The following IL13RA1 variants were observed in gnomAD, a reference collection of about 807,000 sequenced individuals.
IL13RA1 encodes the protein interleukin-13 receptor subunit alpha-1.
Under a neutral mutation model 33.8 loss-of-function variants are expected in IL13RA1, and 14 were observed. The ratio of observed to expected loss-of-function variants is 0.41; its 90% CI spans 0.27 to 0.65. The LOEUF (loss-of-function observed/expected upper bound fraction) is 0.65. Ranked by LOEUF, IL13RA1 falls within the 30% of genes least tolerant of loss-of-function variation. The pLI is 0.28. For synonymous variants in IL13RA1, 116 were observed against 115.7 expected (o/e 1.00, Z -0.02); for missense variants, 313 against 327.0 (o/e 0.96, Z 0.33).
chrX:118,790,586 T>G (rs1052135515), intron 10 of IL13RA1, among the ~76,000 whole-genome samples: 12 of 112,150 alleles, frequency 1.1e-4, no homozygotes, highest in Admixed American at 1.0e-3. Flanking sequence ...GATTGCACTA[T>G]CTTATTTTTA....
chrX:118,756,001 A>G, intron 4 of IL13RA1, among the ~76,000 whole-genome samples: 1 of 110,422 alleles, frequency 9.1e-6, no homozygotes, highest in Non-Finnish European at 1.9e-5. Context: ...TAAATACATT[A>G]GCTCTGAGTT....
chrX:118,784,439 T>C (rs373306389), intron 10 of IL13RA1, among the ~76,000 whole-genome samples: 82 of 110,652 alleles, frequency 7.4e-4, no homozygotes, highest in African/African-American at 2.7e-3. Context: ...CAAATGAGAA[T>C]TAAAAGAATT....
chrX:118,738,781 C>CTTTTTTTTTT (rs144796443), intron 1 of IL13RA1, among the ~76,000 whole-genome samples: 1 of 60,229 alleles, frequency 1.7e-5, no homozygotes, highest in Non-Finnish European at 2.9e-5. Flanking sequence ...ATTTTAAGTC[C>CTTTTTTTTTT]TTTTTTTTTT....
At chrX:118,743,301 C>T (rs1238279054) in intron 2 of IL13RA1, among the ~76,000 whole-genome samples, 2 of 111,773 alleles carry the variant, frequency 1.8e-5, no homozygotes, top group Non-Finnish European at 3.8e-5. Flanking sequence ...ATAGTTTGTA[C>T]ATTAGGGGGC....
chrX:118,795,622 C>A (rs1280706435), downstream of IL13RA1, among the ~76,000 whole-genome samples: 4 of 111,788 alleles, frequency 3.6e-5, no homozygotes, highest in African/African-American at 1.3e-4. Context: ...ATTGAGAACC[C>A]CCTTGAGGTC....
At chrX:118,732,310 G>C (rs2017230455) in intron 1 of IL13RA1, among the ~76,000 whole-genome samples, 1 of 110,270 alleles carries the variant, frequency 9.1e-6, no homozygotes, top group African/African-American at 3.3e-5. Context: ...TATACTATTT[G>C]TCTTTTTTGT....
chrX:118,760,762 A>G (rs1376358363), intron 5 of IL13RA1, among the ~76,000 whole-genome samples: 1 of 111,983 alleles, frequency 8.9e-6, no homozygotes, highest in African/African-American at 3.2e-5. Context: ...GTCTCTCAGT[A>G]TTTGTGAGGG....
chrX:118,774,061 G>A (rs1315136710), intron 9 of IL13RA1, 86 bp downstream of exon 9: 11 of 513,706 alleles, frequency 2.1e-5, no homozygotes, highest in Non-Finnish European at 3.4e-5. Flanking sequence ...TTTTATGTCT[G>A]CCCAGTGTAT....
chrX:118,739,410 A>G (rs1234999074), intron 1 of IL13RA1, among the ~76,000 whole-genome samples: 1 of 111,882 alleles, frequency 8.9e-6, no homozygotes, highest in Non-Finnish European at 1.9e-5. Context: ...AATATTGCTG[A>G]TTATGTAACA....
chrX:118,757,406 T>A (rs1385324693), intron 4 of IL13RA1, among the ~76,000 whole-genome samples: 1 of 107,183 alleles, frequency 9.3e-6, no homozygotes, highest in Non-Finnish European at 1.9e-5. Flanking sequence ...AGTGTGTGCC[T>A]GTAATCCCAG....
intron 2 of IL13RA1, among the ~76,000 whole-genome samples, chrX:118,744,139 GT>G (rs974016028): frequency 1.8e-5 from 2 of 109,799 alleles, no homozygotes; most frequent in Non-Finnish European, 1.9e-5. Flanking sequence ...GAGCAAGACT[GT>G]TTAAAAAAAA....
At chrX:118,783,417 G>C (rs1352687943) in intron 10 of IL13RA1, among the ~76,000 whole-genome samples, 2 of 111,575 alleles carry the variant, frequency 1.8e-5, no homozygotes, top group Non-Finnish European at 3.8e-5. Context: ...AAATTAGACA[G>C]GCATATAATT....
chrX:118,784,140 T>TATATATATATACGTATATACAC (rs2017888774), intron 10 of IL13RA1, among the ~76,000 whole-genome samples: 1 of 93,355 alleles, frequency 1.1e-5, no homozygotes, highest in Non-Finnish European at 2.1e-5. Context: ...TATATATATA[T>TATATATATATACGTATATACAC]ATATATACGT....
At chrX:118,776,532 G>A in intron 10 of IL13RA1, 21 bp downstream of exon 10, 1 of 403,682 alleles carries the variant, frequency 2.5e-6, no homozygotes. Context: ...ATTTCATGGG[G>A]CTTGAAATGT....
In IL13RA1 at chrX:118,793,223, A is replaced by T. The variant is rs2017996314; in HGVS notation, c.*1369A>T. The T allele has an allele frequency of 8.9e-6, 1 of 112,474 alleles. No individual in the cohort carries two copies. The highest frequency in any genetic ancestry group is 1.9e-5 in the Non-Finnish European group (1 of 53,273). The allele number at this position is 112,474 out of a possible 1,213,427, so 9.3% of individuals were successfully genotyped here. A position where few individuals can be genotyped will look rare whatever the true frequency, so the allele number is the denominator to read the frequency against. On this transcript the variant is annotated 3_prime_UTR_variant, in exon 11 of 11. Coordinates refer to ENST00000371666, the MANE Select transcript of IL13RA1 (RefSeq NM_001560.3). ...AGGTTAAGTGTGAGTAATCTGAGAA[A>T]CAATGACTAATTCTTGCATATTTTG...
the IL13RA1 span, among the ~76,000 whole-genome samples, chrX:118,800,596 C>G: frequency 9.1e-6 from 1 of 110,485 alleles, no homozygotes; most frequent in Non-Finnish European, 1.9e-5. Context: ...CTGTAACAGT[C>G]ACGGCGTGGG....
chrX:118,798,835 C>T (rs183167069), downstream of IL13RA1, among the ~76,000 whole-genome samples: 106 of 113,032 alleles, frequency 9.4e-4, no homozygotes, highest in African/African-American at 3.3e-3. Flanking sequence ...GCCTCCTCTG[C>T]CTGGGCTCCC....
rs998781287 is a variant in IL13RA1, at chrX:118,727,692, CGGCGGG to C, written c.71_76del (p.Gly24_Gly25del). On this transcript the variant is annotated inframe_deletion, in exon 1 of 11. Coordinates refer to ENST00000371666, the MANE Select transcript of IL13RA1 (RefSeq NM_001560.3). The stretch of plus-strand genomic sequence containing the variant: ...TGTGGGCGCTGCTGCTCTGCGCCGG[CGGCGGG>C]GGCGGGGGCGGGGGCGCCGCGCCTA... 8.2e-5 allele frequency: 42 copies of C among 514,668 alleles called. No homozygotes were observed. Among genetic ancestry groups the C allele is most frequent in the East Asian group, 7.3e-4 (9 of 12,276 alleles). 42.4% of individuals were successfully genotyped at this position (514,668 alleles called of 1,213,427 possible). A position where few individuals can be genotyped will look rare whatever the true frequency, so the allele number is the denominator to read the frequency against.
Position 118,766,856 on chromosome X carries a change from T to C in IL13RA1, c.889T>C (p.Phe297Leu). ...FERNVENTSC[F>L]MVPGVLPDTL... ...TTTTATGCCTAAGAATACATCTTGT[T>C]TCATGGTCCCTGGTGTTCTTCCTGA... Residue 297 changes from phenylalanine to leucine, a missense_variant, in exon 8 of 11, where the codon TTC (phenylalanine) becomes CTC (leucine). Physicochemically the swap from Phe to Leu is conservative, Grantham distance 22 (BLOSUM62 0). Coordinates refer to ENST00000371666, the MANE Select transcript of IL13RA1 (RefSeq NM_001560.3). The C allele has an allele frequency of 9.5e-7, 1 of 1,055,910 alleles. No individual in the cohort carries two copies. The highest frequency in any genetic ancestry group is 1.3e-6 in the Non-Finnish European group (1 of 766,913). 87.0% of individuals were successfully genotyped at this position (1,055,910 alleles called of 1,213,427 possible).
Sources: gnomAD v4.1 joint callset for allele counts (sites outside exome capture counted in the v4.1 genomes callset) on GRCh38, gnomAD v4.1.1 for gene constraint, MANE v1.5 for transcripts, NCBI Gene and HGNC (gene_info 2026-07-23, HGNC 2026-07-21) for gene names.